NPAS3: variants seen among roughly 807,000 people sequenced by gnomAD.
The protein encoded by NPAS3 is neuronal PAS domain protein 3.
A neutral mutation model predicts 73.1 loss-of-function variants in NPAS3; 14 were observed. The observed-to-expected ratio is 0.19, with a 90% CI of 0.13 to 0.30. The LOEUF (loss-of-function observed/expected upper bound fraction) is 0.30. Among genes scored for constraint, NPAS3 ranks in the 10% least tolerant of loss-of-function variants. The probability of loss-of-function intolerance (pLI) is 1.00; values close to 1 mark genes in which losing one functional copy is unlikely to be tolerated. For missense variants in NPAS3, 1,096 were observed against 1,250.0 expected, an observed-to-expected ratio of 0.88 and a Z score of 1.86; for synonymous variants, 620 against 541.5, an observed-to-expected ratio of 1.14 and a Z score of -2.01.
At chr14:33,299,530 T>A (rs954619588) in intron 3 of NPAS3, among the ~76,000 whole-genome samples, 1 of 152,124 alleles carries the variant, frequency 6.6e-6, no homozygotes, top group African/African-American at 2.4e-5. Context: ...ATGGAGGGAA[T>A]CCAGATCTTG....
intron 5 of NPAS3, among the ~76,000 whole-genome samples, chr14:33,571,789 A>G (rs2056225940): frequency 1.3e-5 from 2 of 152,250 alleles, no homozygotes; most frequent in South Asian, 4.1e-4. Context: ...CCTTGTTGGC[A>G]GATTATCTGA....
At chr14:33,505,673 G>T (rs376701706) in intron 4 of NPAS3, among the ~76,000 whole-genome samples, 1 of 151,738 alleles carries the variant, frequency 6.6e-6, no homozygotes, top group Non-Finnish European at 1.5e-5. Context: ...ATTCAAAACC[G>T]GAAAAAAAGA....
At chr14:33,143,155 A>G (rs149316961) in intron 2 of NPAS3, among the ~76,000 whole-genome samples, 298 of 151,936 alleles carry the variant, frequency 2.0e-3, no homozygotes, top group African/African-American at 6.7e-3. Context: ...TTAAGATTAT[A>G]AGATAATTAT....
At chr14:33,080,768 G>C (rs989862052) in intron 2 of NPAS3, among the ~76,000 whole-genome samples, 2 of 152,208 alleles carry the variant, frequency 1.3e-5, no homozygotes, top group African/African-American at 2.4e-5. Flanking sequence ...TCACAGGAAA[G>C]CGTGTAAGAG....
chr14:33,702,287 A>G (rs1422255366), intron 6 of NPAS3, among the ~76,000 whole-genome samples: 1 of 152,234 alleles, frequency 6.6e-6, no homozygotes, highest in Non-Finnish European at 1.5e-5. Context: ...TCAGCCAAAA[A>G]TGCAATTGGT....
intron 1 of NPAS3, among the ~76,000 whole-genome samples, chr14:32,977,826 G>A (rs1234802739): frequency 6.6e-6 from 1 of 152,176 alleles, no homozygotes; most frequent in Non-Finnish European, 1.5e-5. Flanking sequence ...AGTGTCTGAA[G>A]ATCTGAAATC....
chr14:33,082,578 T>G (rs2041893551), intron 2 of NPAS3, among the ~76,000 whole-genome samples: 1 of 152,204 alleles, frequency 6.6e-6, no homozygotes, highest in African/African-American at 2.4e-5. Flanking sequence ...TAAGTTGTAT[T>G]TATCAAAATT....
At chr14:33,595,771 C>T (rs1042987773) in intron 5 of NPAS3, among the ~76,000 whole-genome samples, 10 of 152,038 alleles carry the variant, frequency 6.6e-5, no homozygotes, top group Non-Finnish European at 1.5e-4. Context: ...CCCGGGTTCA[C>T]GCCATTCTCC....
intron 3 of NPAS3, among the ~76,000 whole-genome samples, chr14:33,259,081 G>A (rs2048881636): frequency 6.6e-6 from 1 of 152,198 alleles, no homozygotes. Context: ...CCAAAGTGCT[G>A]GGATTACAGG....
chr14:33,585,233 C>T (rs930505107), intron 5 of NPAS3, among the ~76,000 whole-genome samples: 3 of 151,546 alleles, frequency 2.0e-5, no homozygotes, highest in East Asian at 1.9e-4. Context: ...GTGGCCATGG[C>T]GAAACTTAAA....
At chr14:33,789,685 TTCACGCCA>T (rs1269460628) in intron 9 of NPAS3, among the ~76,000 whole-genome samples, 2 of 137,566 alleles carry the variant, frequency 1.5e-5, no homozygotes, top group African/African-American at 2.7e-5. Context: ...GCCTCCCGGG[TTCACGCCA>T]TTCTCCTGCC....
chr14:33,053,165 G>A (rs1179523540), intron 1 of NPAS3, among the ~76,000 whole-genome samples: 1 of 152,014 alleles, frequency 6.6e-6, no homozygotes, highest in Non-Finnish European at 1.5e-5. Flanking sequence ...TCCATTCTTT[G>A]CTTGCCACTA....
At chr14:33,802,342 G>A (rs1408766498), downstream of NPAS3, 2 of 81,542 alleles carry the variant, frequency 2.5e-5, no homozygotes, top group East Asian at 3.7e-4. Flanking sequence ...ATAAGCTTCA[G>A]ACAGATAACT....
intron 2 of NPAS3, among the ~76,000 whole-genome samples, chr14:33,071,700 C>T (rs763042237): frequency 1.3e-4 from 20 of 152,146 alleles, no homozygotes; most frequent in Non-Finnish European, 2.6e-4. Context: ...TGGATAAGGT[C>T]TTAATTTTAT....
rs10709910 is a variant in NPAS3, at chr14:33,142,191, C to CTT, written c.141-72969_141-72968dup. On this transcript the variant is annotated intron_variant, in intron 2 of 11. Transcript: ENST00000356141. The stretch of plus-strand genomic sequence containing the variant: ...TTTATTTTATTTTAATTTGTATAAG[C>CTT]TTTTTTTTTTTTTTTTTTTTTTTAC... Among the ~76,000 whole-genome samples, 259 of 38,076 alleles carry CTT rather than the reference C, an allele frequency of 6.8e-3. 23 individuals are homozygous for CTT. Among genetic ancestry groups the CTT allele is most frequent in the Middle Eastern group, 0.05 (1 of 20 alleles). The allele number at this position is 38,076 out of a possible 152,430, so 25.0% of individuals were successfully genotyped here.
intron 4 of NPAS3, among the ~76,000 whole-genome samples, chr14:33,544,810 ATGT>A (rs2054735042): frequency 2.2e-5 from 2 of 92,108 alleles, no homozygotes; most frequent in Non-Finnish European, 2.0e-5. Flanking sequence ...ATATATATAT[ATGT>A]ATATATAATA....
At chr14:33,776,317 C>A (rs920927383) in intron 8 of NPAS3, among the ~76,000 whole-genome samples, 25 of 151,888 alleles carry the variant, frequency 1.6e-4, no homozygotes, top group African/African-American at 6.0e-4. Context: ...TAGCTACCAG[C>A]CACCTCTCCC....
intron 5 of NPAS3, among the ~76,000 whole-genome samples, chr14:33,613,292 CAG>C (rs1176515793): frequency 6.6e-6 from 1 of 152,152 alleles, no homozygotes; most frequent in African/African-American, 2.4e-5. Flanking sequence ...CCAGAGGAAA[CAG>C]ATCCTTTGAG....
At chr14:33,105,625 A>T (rs1456488550) in intron 2 of NPAS3, among the ~76,000 whole-genome samples, 3 of 152,166 alleles carry the variant, frequency 2.0e-5, no homozygotes, top group Non-Finnish European at 4.4e-5. Context: ...GCAGTATTAG[A>T]TAAATATGCA....
Sources: allele counts gnomAD v4.1 joint callset (sites outside exome capture counted in the v4.1 genomes callset), GRCh38; gene constraint gnomAD v4.1.1; transcripts MANE v1.5; gene names NCBI Gene and HGNC (gene_info 2026-07-23, HGNC 2026-07-21).